MAGED1: variants seen among roughly 807,000 people sequenced by gnomAD.
The protein encoded by MAGED1 is MAGE family member D1.
In MAGED1, 3 loss-of-function variants were observed where a neutral mutation model predicts 54.1. The observed-to-expected ratio is 0.06, with a 90% CI of 0.03 to 0.14. The LOEUF (loss-of-function observed/expected upper bound fraction) is 0.14, where lower values mean the gene tolerates loss of function less well. Ranked by LOEUF, MAGED1 falls within the 10% of genes least tolerant of loss-of-function variation. The pLI, the probability that MAGED1 is intolerant of heterozygous loss-of-function variation, is 1.00. For synonymous variants in MAGED1, 217 were observed against 227.3 expected, an observed-to-expected ratio of 0.95 and a Z score of 0.41; for missense variants, 485 against 623.4, an observed-to-expected ratio of 0.78 and a Z score of 2.36.
At chrX:51,875,927 C>T (rs905060781) in intron 1 of MAGED1, among the ~76,000 whole-genome samples, 11 of 111,432 alleles carry the variant, frequency 9.9e-5, no homozygotes, top group Non-Finnish European at 1.9e-5. Flanking sequence ...AGGATTGGTT[C>T]CCAGCCAGGG....
chrX:51,895,888 T>TG (rs1928729675), intron 3 of MAGED1, 128 bp downstream of exon 3: 10 of 514,922 alleles, frequency 1.9e-5, no homozygotes, highest in Non-Finnish European at 2.9e-5. Context: ...TTGAAGAGAA[T>TG]GTTTATTCCT....
intron 1 of MAGED1, among the ~76,000 whole-genome samples, chrX:51,810,606 G>A (rs1409381254): frequency 1.8e-5 from 2 of 111,720 alleles, no homozygotes; most frequent in African/African-American, 3.3e-5. Flanking sequence ...GAGCAAATAC[G>A]CAGTGTCTAA....
intron 1 of MAGED1, among the ~76,000 whole-genome samples, chrX:51,845,360 G>A (rs1926647649): frequency 1.8e-5 from 2 of 112,336 alleles, no homozygotes; most frequent in Admixed American, 1.9e-4. Context: ...GGTCCAGAGG[G>A]TAGACCCTTG....
At chrX:51,897,667 T>A in intron 6 of MAGED1, 41 bp downstream of exon 6, 1 of 1,149,152 alleles carries the variant, frequency 8.7e-7, no homozygotes, top group Non-Finnish European at 1.2e-6. Flanking sequence ...ATGGGGAAAG[T>A]CTTGATTTCA....
intron 1 of MAGED1, among the ~76,000 whole-genome samples, chrX:51,835,707 C>A (rs958948694): frequency 3.6e-5 from 4 of 111,319 alleles, no homozygotes; most frequent in African/African-American, 1.3e-4. Context: ...AATGGCAAAA[C>A]CCACAATTAA....
At chrX:51,885,983 T>C (rs1557362784) in intron 1 of MAGED1, among the ~76,000 whole-genome samples, 1 of 109,628 alleles carries the variant, frequency 9.1e-6, no homozygotes, top group Non-Finnish European at 1.9e-5. Flanking sequence ...GCAACATGGA[T>C]GGAACTGGAG....
At chrX:51,833,952 A>G (rs984421942) in intron 1 of MAGED1, among the ~76,000 whole-genome samples, 1 of 111,374 alleles carries the variant, frequency 9.0e-6, no homozygotes, top group African/African-American at 3.3e-5. Flanking sequence ...ATTCCTCTGC[A>G]TGTCTTTTGA....
At chrX:51,812,511 G>A (rs1557355610) in intron 1 of MAGED1, among the ~76,000 whole-genome samples, 2 of 112,090 alleles carry the variant, frequency 1.8e-5, no homozygotes, top group African/African-American at 6.5e-5. Flanking sequence ...CTTGAAATAT[G>A]TGGCCTTCTG....
chrX:51,847,801 T>C (rs1602234166), intron 1 of MAGED1, among the ~76,000 whole-genome samples: 1 of 112,239 alleles, frequency 8.9e-6, no homozygotes, highest in Non-Finnish European at 1.9e-5. Flanking sequence ...TGTTTATCTT[T>C]CCATTCCTGA....
chrX:51,836,641 C>G (rs1404458666), intron 1 of MAGED1, among the ~76,000 whole-genome samples: 3 of 108,032 alleles, frequency 2.8e-5, no homozygotes, highest in African/African-American at 1.0e-4. Flanking sequence ...ACGATCTCAG[C>G]TCACTGCAAC....
intron 1 of MAGED1, among the ~76,000 whole-genome samples, chrX:51,858,890 G>A (rs1334360583): frequency 8.9e-6 from 1 of 111,825 alleles, no homozygotes; most frequent in African/African-American, 3.3e-5. Flanking sequence ...ATTTGAAATT[G>A]CTTCAGGAAT....
chrX:51,843,063 C>T (rs1926564367), intron 1 of MAGED1, among the ~76,000 whole-genome samples: 1 of 111,389 alleles, frequency 9.0e-6, no homozygotes, highest in Admixed American at 9.5e-5. Context: ...TATAAGTCTC[C>T]TTTTGAGGGC....
chrX:51,836,672 G>A (rs568997283), intron 1 of MAGED1, among the ~76,000 whole-genome samples: 5 of 108,034 alleles, frequency 4.6e-5, no homozygotes, highest in Non-Finnish European at 7.6e-5. Context: ...CGGGTTTTAC[G>A]CCATTCTCCT....
At chrX:51,896,298 C>A in intron 3 of MAGED1, 111 bp from the exon 4 acceptor site, 1 of 661,348 alleles carries the variant, frequency 1.5e-6, no homozygotes, top group South Asian at 2.9e-5. Flanking sequence ...TGACCAATGG[C>A]TAGTGGGTCA....
intron 1 of MAGED1, among the ~76,000 whole-genome samples, chrX:51,869,643 C>G (rs187051435): frequency 1.8e-5 from 2 of 110,275 alleles, no homozygotes; most frequent in African/African-American, 3.3e-5. Context: ...CCGAGGCAGG[C>G]GAATCGCTTG....
intron 1 of MAGED1, among the ~76,000 whole-genome samples, chrX:51,821,336 C>T: frequency 9.0e-6 from 1 of 111,028 alleles, no homozygotes; most frequent in Admixed American, 9.7e-5. Context: ...GAGTAGACAT[C>T]CTTGTCTTTT....
At chrX:51,824,841 GACAC>G (rs1925791005) in intron 1 of MAGED1, among the ~76,000 whole-genome samples, 1 of 89,097 alleles carries the variant, frequency 1.1e-5, no homozygotes, top group African/African-American at 4.5e-5. Flanking sequence ...TATATGCACA[GACAC>G]ACACAGTCTC....
chrX:51,863,000 A>G (rs1332549931), intron 1 of MAGED1, among the ~76,000 whole-genome samples: 1 of 111,931 alleles, frequency 8.9e-6, no homozygotes, highest in Non-Finnish European at 1.9e-5. Flanking sequence ...TACTCTCTTA[A>G]TGAATTTCAA....
At chrX:51,893,935 C>T (rs1444158170) in intron 1 of MAGED1, among the ~76,000 whole-genome samples, 180 bp downstream of exon 1, 1 of 109,146 alleles carries the variant, frequency 9.2e-6, no homozygotes, top group Non-Finnish European at 1.9e-5. Flanking sequence ...GTTCGAAATC[C>T]TCAGATTCCT....
Sources: gnomAD v4.1 joint callset for allele counts (sites outside exome capture counted in the v4.1 genomes callset) on GRCh38, gnomAD v4.1.1 for gene constraint, MANE v1.5 for transcripts, NCBI Gene and HGNC (gene_info 2026-07-23, HGNC 2026-07-21) for gene names.